ZCCHC7: variants seen among roughly 807,000 people sequenced by gnomAD.
The protein encoded by ZCCHC7 is zinc finger CCHC-type containing 7, also known as zinc finger CCHC domain-containing protein 7.
ZCCHC7 carries 35 observed loss-of-function variants against 52.0 expected under a neutral mutation model. The ratio of observed to expected loss-of-function variants is 0.67; its 90% CI spans 0.51 to 0.89. ZCCHC7 has a LOEUF of 0.89. ZCCHC7 is among the 40% of genes least tolerant of loss of function. The probability of loss-of-function intolerance (pLI) is 0.00; values close to 1 mark genes in which losing one functional copy is unlikely to be tolerated. For synonymous variants in ZCCHC7, 217 were observed against 221.5 expected (o/e 0.98, Z 0.18); for missense variants, 574 against 649.1 (o/e 0.88, Z 1.26).
chr9:37,337,922 C>T (rs1378523110), intron 6 of ZCCHC7, among the ~76,000 whole-genome samples: 1 of 152,148 alleles, frequency 6.6e-6, no homozygotes, highest in Non-Finnish European at 1.5e-5. Flanking sequence ...AGGGATAGCT[C>T]TGCAGTTTGA....
intron 5 of ZCCHC7, among the ~76,000 whole-genome samples, chr9:37,308,867 G>A (rs952570709): frequency 2.6e-5 from 4 of 151,930 alleles, no homozygotes; most frequent in Admixed American, 2.6e-4. Flanking sequence ...TGTAGTCCCA[G>A]CTACTCAGGA....
chr9:37,233,811 AAAG>A (rs1393297556), intron 2 of ZCCHC7, among the ~76,000 whole-genome samples: 2 of 152,168 alleles, frequency 1.3e-5, no homozygotes, highest in African/African-American at 4.8e-5. Flanking sequence ...AAGAAAGAAA[AAAG>A]AAGGTAAGGA....
At chr9:37,120,731 C>G (rs764092608) in intron 1 of ZCCHC7, 108 bp downstream of exon 1, 55 of 356,122 alleles carry the variant, frequency 1.5e-4, no homozygotes, top group Admixed American at 2.8e-4. Flanking sequence ...TCGCCGGCCT[C>G]GACGTCTCCC....
At chr9:37,246,955 C>T (rs753325260) in intron 2 of ZCCHC7, among the ~76,000 whole-genome samples, 1 of 152,126 alleles carries the variant, frequency 6.6e-6, no homozygotes, top group African/African-American at 2.4e-5. Flanking sequence ...TTAAAACCTA[C>T]TCTCTTAGCA....
intron 2 of ZCCHC7, among the ~76,000 whole-genome samples, chr9:37,154,631 A>G (rs1820711160): frequency 6.6e-6 from 1 of 151,508 alleles, no homozygotes; most frequent in Non-Finnish European, 1.5e-5. Flanking sequence ...AAGGGTGCAC[A>G]CCACCATGCC....
intron 2 of ZCCHC7, among the ~76,000 whole-genome samples, chr9:37,150,250 ATCT>A (rs1269339097): frequency 6.6e-6 from 1 of 152,186 alleles, no homozygotes; most frequent in Non-Finnish European, 1.5e-5. Flanking sequence ...TTTCTCATTG[ATCT>A]TCTAGATGTT....
intron 2 of ZCCHC7, among the ~76,000 whole-genome samples, chr9:37,258,504 C>T (rs1455525387): frequency 6.6e-6 from 1 of 151,970 alleles, no homozygotes; most frequent in African/African-American, 2.4e-5. Flanking sequence ...TGCCTGTAAT[C>T]CTAGCTCTTT....
intron 2 of ZCCHC7, among the ~76,000 whole-genome samples, chr9:37,282,818 A>T (rs1828028009): frequency 6.6e-6 from 1 of 150,478 alleles, no homozygotes. Flanking sequence ...GCTCTGGCTT[A>T]AAAAAAAGGC....
intron 5 of ZCCHC7, among the ~76,000 whole-genome samples, chr9:37,308,559 T>C (rs1829440935): frequency 6.6e-6 from 1 of 152,184 alleles, no homozygotes; most frequent in Non-Finnish European, 1.5e-5. Context: ...GCCTCTAATA[T>C]ATGTTAAATT....
At chr9:37,176,714 A>G (rs983105804) in intron 2 of ZCCHC7, among the ~76,000 whole-genome samples, 2 of 152,170 alleles carry the variant, frequency 1.3e-5, no homozygotes, top group African/African-American at 4.8e-5. Flanking sequence ...GCTTCTGACA[A>G]TGCTTAATCT....
chr9:37,169,938 T>C lies in ZCCHC7; in HGVS notation c.610+42996T>C, dbSNP rs78053708. On this transcript the variant is annotated intron_variant, in intron 2 of 8. Transcript: ENST00000336755. ...AAAGATAGGGCTTGGTGGCATGCAT[T>C]TGTAGTCCCAGCTACTCAAGAGGCT... Among the ~76,000 whole-genome samples the C allele has an allele frequency of 2.7e-3, 403 of 151,942 alleles. 2 individuals carry two copies. The highest frequency in any genetic ancestry group is 9.4e-3 in the African/African-American group (389 of 41,438).
intron 2 of ZCCHC7, among the ~76,000 whole-genome samples, chr9:37,142,240 T>G (rs1843261478): frequency 6.6e-6 from 1 of 151,806 alleles, no homozygotes; most frequent in Admixed American, 6.6e-5. Flanking sequence ...CTTGTAATGT[T>G]GATACATAGG....
At chr9:37,335,243 C>T (rs1041982312) in intron 6 of ZCCHC7, among the ~76,000 whole-genome samples, 2 of 152,062 alleles carry the variant, frequency 1.3e-5, no homozygotes, top group Non-Finnish European at 2.9e-5. Flanking sequence ...CATTTCCTCC[C>T]TGTTTTTACC....
At chr9:37,223,645 G>A (rs958512644) in intron 2 of ZCCHC7, among the ~76,000 whole-genome samples, 14 of 152,008 alleles carry the variant, frequency 9.2e-5, no homozygotes, top group African/African-American at 2.7e-4. Flanking sequence ...CAAATCTTAC[G>A]TTTTATATAT....
intron 2 of ZCCHC7, among the ~76,000 whole-genome samples, chr9:37,197,772 G>A (rs1484319820): frequency 2.0e-5 from 3 of 152,054 alleles, no homozygotes; most frequent in Non-Finnish European, 2.9e-5. Context: ...AAAAGTTTCC[G>A]AAATCTGATC....
chr9:37,349,587 A>G (rs73452636), intron 7 of ZCCHC7, 135 bp downstream of exon 7: 2 of 852,764 alleles, frequency 2.3e-6, no homozygotes, highest in African/African-American at 1.7e-5. Context: ...TATATTTTCA[A>G]CTGGTTTACC....
intron 2 of ZCCHC7, among the ~76,000 whole-genome samples, chr9:37,212,108 G>A (rs1043517390): frequency 7.0e-6 from 1 of 142,352 alleles, no homozygotes; most frequent in Non-Finnish European, 1.5e-5. Flanking sequence ...TTACCTCCCA[G>A]GATCATTTTG....
At chr9:37,288,809 G>C (rs1181060740) in intron 2 of ZCCHC7, among the ~76,000 whole-genome samples, 2 of 152,024 alleles carry the variant, frequency 1.3e-5, no homozygotes, top group Non-Finnish European at 2.9e-5. Flanking sequence ...CACCTCACTG[G>C]TTACTCCTAA....
intron 2 of ZCCHC7, among the ~76,000 whole-genome samples, chr9:37,150,563 C>G (rs773252122): frequency 1.3e-5 from 2 of 152,166 alleles, no homozygotes; most frequent in Non-Finnish European, 2.9e-5. Context: ...CCAGAAACAG[C>G]TATGTCTCAG....
Sources: allele counts gnomAD v4.1 joint callset (sites outside exome capture counted in the v4.1 genomes callset), GRCh38; gene constraint gnomAD v4.1.1; transcripts MANE v1.5; gene names NCBI Gene and HGNC (gene_info 2026-07-23, HGNC 2026-07-21).